MMP26: variants seen among roughly 807,000 people sequenced by gnomAD.
MMP26 encodes the protein matrix metallopeptidase 26.
Under a neutral mutation model 31.0 loss-of-function variants are expected in MMP26, and 33 were observed. The observed-to-expected ratio is 1.06, with a 90% CI of 0.81 to 1.42. The LOEUF is 1.42. Among genes scored for constraint, MMP26 ranks in the 40% most tolerant of loss-of-function variants. The probability of loss-of-function intolerance (pLI) is 0.00; values close to 1 mark genes in which losing one functional copy is unlikely to be tolerated. For missense variants in MMP26, 347 were observed against 316.1 expected, an observed-to-expected ratio of 1.10 and a Z score of -0.74; for synonymous variants, 122 against 114.9, an observed-to-expected ratio of 1.06 and a Z score of -0.40.
intron 2 of MMP26, chr11:4,821,823 C>T (rs1190785600): frequency 1.2e-6 from 2 of 1,612,778 alleles, no homozygotes; most frequent in Non-Finnish European, 1.7e-6. Context: ...CACTGAGATA[C>T]ACTACCATCC....
intron 1 of MMP26, among the ~76,000 whole-genome samples, chr11:4,720,849 A>C (rs556072744): frequency 6.6e-6 from 1 of 152,340 alleles, no homozygotes; most frequent in South Asian, 2.1e-4. Flanking sequence ...CCTCTCGTGG[A>C]GTTGAGACTT....
At chr11:4,925,799 G>T (rs561008903) in intron 2 of MMP26, among the ~76,000 whole-genome samples, 1 of 150,506 alleles carries the variant, frequency 6.6e-6, no homozygotes, top group Non-Finnish European at 1.5e-5. Context: ...AGTAGGACAA[G>T]TTTGTTTGTT....
chr11:4,889,422 A>C (rs1850586558), intron 2 of MMP26, among the ~76,000 whole-genome samples: 1 of 152,198 alleles, frequency 6.6e-6, no homozygotes. Context: ...GCAATCAATC[A>C]CACTTTTTTT....
At chr11:4,942,060 A>AGC (rs1846215622) in intron 2 of MMP26, among the ~76,000 whole-genome samples, 1 of 139,230 alleles carries the variant, frequency 7.2e-6, no homozygotes, top group Non-Finnish European at 1.5e-5. Context: ...GCTCTGCTCC[A>AGC]GCCTGGGCAG....
At chr11:4,946,299 G>C in intron 2 of MMP26, 1 of 1,613,734 alleles carries the variant, frequency 6.2e-7, no homozygotes, top group Non-Finnish European at 8.5e-7. Context: ...GGAGAGACAT[G>C]CCGGGCAAAG....
intron 2 of MMP26, chr11:4,915,298 A>G (rs142042736): frequency 6.3e-4 from 1,019 of 1,613,928 alleles, no homozygotes; most frequent in Non-Finnish European, 8.1e-4. Context: ...CAAAGGCCAT[A>G]GACAGTAGCA....
intron 2 of MMP26, chr11:4,804,769 AC>A (rs1350236034): frequency 3.2e-6 from 1 of 315,108 alleles, no homozygotes; most frequent in Admixed American, 4.5e-5. Flanking sequence ...ACATAGTGGA[AC>A]CCCTTTTCTA....
At chr11:4,763,657 A>T (rs1848594813) in intron 1 of MMP26, among the ~76,000 whole-genome samples, 1 of 152,214 alleles carries the variant, frequency 6.6e-6, no homozygotes, top group Non-Finnish European at 1.5e-5. Context: ...GTTGATAAAT[A>T]CTATAAAGAA....
At chr11:4,715,214 C>T (rs1847912703) in intron 1 of MMP26, among the ~76,000 whole-genome samples, 1 of 151,892 alleles carries the variant, frequency 6.6e-6, no homozygotes, top group Non-Finnish European at 1.5e-5. Context: ...GAACTACCTT[C>T]CAGTAACTTA....
chr11:4,831,282 G>A (rs1387194770), intron 2 of MMP26, among the ~76,000 whole-genome samples: 1 of 152,136 alleles, frequency 6.6e-6, no homozygotes, highest in Non-Finnish European at 1.5e-5. Context: ...TAAGTCATGA[G>A]AGCTGGGTCA....
chr11:4,744,462 C>G (rs183323733), intron 1 of MMP26, among the ~76,000 whole-genome samples: 69 of 152,242 alleles, frequency 4.5e-4, no homozygotes, highest in Non-Finnish European at 6.9e-4. Context: ...CATAAATCGT[C>G]TAACGTTAAT....
intron 2 of MMP26, chr11:4,955,521 G>T (rs1846428833): frequency 7.6e-7 from 1 of 1,322,194 alleles, no homozygotes; most frequent in South Asian, 1.2e-5. Context: ...AACATGGAAA[G>T]AAAATAGTAC....
intron 2 of MMP26, among the ~76,000 whole-genome samples, chr11:4,805,941 GC>G (rs1849263017): frequency 6.6e-6 from 1 of 152,018 alleles, no homozygotes; most frequent in African/African-American, 2.4e-5. Flanking sequence ...TTGTTTGAAA[GC>G]CTCAGTTCTT....
At chr11:4,919,530 G>A (rs1349030214) in intron 2 of MMP26, among the ~76,000 whole-genome samples, 1 of 152,094 alleles carries the variant, frequency 6.6e-6, no homozygotes, top group African/African-American at 2.4e-5. Flanking sequence ...CTGGTCTTGT[G>A]AGATACCAGG....
chr11:4,751,280 T>C (rs918776473), intron 1 of MMP26, among the ~76,000 whole-genome samples: 1 of 152,154 alleles, frequency 6.6e-6, no homozygotes, highest in Non-Finnish European at 1.5e-5. Context: ...ATTTAGGAAA[T>C]GTACAGTCTT....
chr11:4,767,974 G>C (rs907337347), intron 2 of MMP26, among the ~76,000 whole-genome samples: 1 of 152,126 alleles, frequency 6.6e-6, no homozygotes, highest in Admixed American at 6.5e-5. Context: ...AACATTTTGT[G>C]TCTGTCTCTG....
At chr11:4,723,167 T>C (rs1848040286) in intron 1 of MMP26, 1 of 1,598,166 alleles carries the variant, frequency 6.3e-7, no homozygotes, top group Non-Finnish European at 8.6e-7. Context: ...CTCCCCACGC[T>C]GCTCGGCATC....
chr11:4,792,187 A>C (rs1849036445), intron 2 of MMP26, among the ~76,000 whole-genome samples: 1 of 100,468 alleles, frequency 1.0e-5, no homozygotes, highest in South Asian at 2.7e-4. Flanking sequence ...TGTTTGACTC[A>C]AAAAAAAAAA....
At chr11:4,796,082 A>T (rs992617129) in intron 2 of MMP26, among the ~76,000 whole-genome samples, 1 of 152,120 alleles carries the variant, frequency 6.6e-6, no homozygotes, top group Non-Finnish European at 1.5e-5. Context: ...GTTAAAGCAC[A>T]GGTGGGAGAT....
Sources: allele counts gnomAD v4.1 joint callset (sites outside exome capture counted in the v4.1 genomes callset), GRCh38; gene constraint gnomAD v4.1.1; transcripts MANE v1.5; gene names NCBI Gene and HGNC (gene_info 2026-07-23, HGNC 2026-07-21).